Variants in LAMB4 observed in about 807,000 individuals in gnomAD.
LAMB4 encodes laminin subunit beta 4.
LAMB4 carries 196 observed loss-of-function variants against 199.2 expected under a neutral mutation model. The observed-to-expected ratio is 0.98, with a 90% CI of 0.88 to 1.11. The LOEUF is 1.11. Ranked by LOEUF, LAMB4 falls within the 50% of genes least tolerant of loss-of-function variation. The pLI is 0.00. For synonymous variants in LAMB4, 744 were observed against 770.6 expected (o/e 0.97, Z 0.57); for missense variants, 2,080 against 2,171.2 (o/e 0.96, Z 0.83).
intron 14 of LAMB4, among the ~76,000 whole-genome samples, chr7:108,091,011 C>G (rs1563083161): frequency 6.6e-6 from 1 of 152,082 alleles, no homozygotes; most frequent in Admixed American, 6.6e-5. Context: ...GAATTAGTCC[C>G]CCTTGTTTTC....
intron 1 of LAMB4, among the ~76,000 whole-genome samples, chr7:108,123,982 T>G (rs1038223906): frequency 2.0e-5 from 3 of 152,010 alleles, no homozygotes; most frequent in African/African-American, 7.2e-5. Context: ...CTTCAGTGGG[T>G]CTGGAGAAAA....
rs892473975 is a variant in LAMB4 at position 108,111,933 on chromosome 7, C to T, written c.206G>A (p.Cys69Tyr). ...TGGAAATCTAGAGTCACAGATGAAGCATTTTTGTTCCCCCTGGAAAACACC... is the reference window on the plus strand; with the variant it reads ...TGGAAATCTAGAGTCACAGATGAAGTATTTTTGTTCCCCCTGGAAAACACC... Reference protein sequence around the residue: ...ILSYLEGEQKCFICDSRFPYD... With the variant: ...ILSYLEGEQKYFICDSRFPYD... The change falls in exon 4 of 34, where the codon TGC (cysteine) becomes TAC (tyrosine). Residue 69 changes from cysteine to tyrosine, a missense_variant. By Grantham distance (194) the Cys-to-Tyr change is radical. Coordinates refer to ENST00000388781, the MANE Select transcript of LAMB4 (RefSeq NM_007356.3). 1.2e-6 allele frequency: 2 copies of T among 1,602,886 alleles called. No individual in the cohort carries two copies. The highest frequency in any genetic ancestry group is 1.7e-6 in the Non-Finnish European group (2 of 1,176,314).
intron 4 of LAMB4, among the ~76,000 whole-genome samples, chr7:108,110,264 A>G (rs1369846157): frequency 6.6e-6 from 1 of 152,150 alleles, no homozygotes; most frequent in Non-Finnish European, 1.5e-5. Flanking sequence ...CCTGAGCTCA[A>G]GTGATCTGCC....
rs530860451 is a variant in LAMB4, at chr7:108,057,932, T to C, written c.3283-4A>G. 101 of 1,605,546 alleles carry C rather than the reference T, an allele frequency of 6.3e-5. 1 individual carries two copies. The African/African-American group carries it at 1.3e-3, about 21-fold the overall frequency. On this transcript the variant is annotated splice_polypyrimidine_tract_variant and splice_region_variant and intron_variant, in intron 23 of 33. Transcript: ENST00000388781. ...TACACGGACACTGGCCTGTAAGCTG[T>C]GAGAACAGTCATGGGTGAGGAATTG... is the stretch of plus-strand genomic sequence containing the variant.
At chr7:108,041,774 C>A (rs1434901636) in intron 29 of LAMB4, among the ~76,000 whole-genome samples, 5 of 151,986 alleles carry the variant, frequency 3.3e-5, no homozygotes, top group Admixed American at 2.0e-4. Context: ...AGGAGAAGAT[C>A]AGGAGAAATA....
rs750946078 is a variant in LAMB4, at chr7:108,066,520, A to G, written c.2527T>C (p.Ser843Pro). The change falls in exon 20 of 34, where the codon TCT becomes CCT. Residue 843 changes from serine (S) to proline (P), a missense_variant. By Grantham distance (74) the Ser-to-Pro change is moderately conservative. Coordinates refer to ENST00000388781, the MANE Select transcript of LAMB4 (RefSeq NM_007356.3). The stretch of plus-strand genomic sequence containing the variant: ...AGGCAGCGATCACAGCGGCGGCCAG[A>G]CACCTCTCCATGGCAGGGGCACTGT... ...TGQCPCHGEV[S>P]GRRCDRCLAG... is the part of the protein sequence containing the mutation. 1.2e-6 allele frequency: 2 copies of G among 1,614,054 alleles called. No homozygotes were observed. Among genetic ancestry groups the G allele is most frequent in the African/African-American group, 1.3e-5 (1 of 75,054 alleles).
Position 108,069,923 on chromosome 7 carries a change from A to G in LAMB4, c.2125-38T>C, listed in dbSNP as rs1247056233. On this transcript the variant is annotated intron_variant, in intron 17 of 33. Transcript: ENST00000388781. ...TGCAAAAAGACTTAACATTCAAACT[A>G]TCTGCTGTGTACGATTCTACTTACA... 3.2e-6 allele frequency: 5 copies of G among 1,554,158 alleles called. No individual in the cohort carries two copies. In the Admixed American group the frequency reaches 8.6e-5, roughly 27 times the overall value.
At chr7:108,121,570 T>C (rs2038599370) in intron 2 of LAMB4, among the ~76,000 whole-genome samples, 1 of 151,986 alleles carries the variant, frequency 6.6e-6, no homozygotes, top group South Asian at 2.1e-4. Context: ...GCCAACATGG[T>C]GAAACCCTGT....
downstream of LAMB4, among the ~76,000 whole-genome samples, chr7:108,020,768 A>C (rs1296538144): frequency 6.6e-6 from 1 of 152,156 alleles, no homozygotes; most frequent in Non-Finnish European, 1.5e-5. Flanking sequence ...TGTACCTGTG[A>C]CTTTGGGCCC....
intron 28 of LAMB4, among the ~76,000 whole-genome samples, chr7:108,045,171 C>G (rs1213983881): frequency 6.6e-6 from 1 of 151,632 alleles, no homozygotes; most frequent in East Asian, 1.9e-4. Context: ...CTAGAACTTT[C>G]TTAGCTTTAA....
intron 2 of LAMB4, among the ~76,000 whole-genome samples, chr7:108,122,621 T>C (rs1230010127): frequency 2.0e-5 from 3 of 152,260 alleles, no homozygotes; most frequent in Non-Finnish European, 4.4e-5. Context: ...GTTTTCGATG[T>C]AGAAAAGTCA....
intron 3 of LAMB4, among the ~76,000 whole-genome samples, chr7:108,113,943 T>C (rs2038321719): frequency 6.6e-6 from 1 of 151,990 alleles, no homozygotes; most frequent in Non-Finnish European, 1.5e-5. Context: ...TATTTTGAGG[T>C]TTTTTCCAGC....
chr7:108,030,815 A>C lies in LAMB4; in HGVS notation c.4983T>G (p.Ser1661Arg). ...QAESAQHQAG[S>R]LEKEFVELKK... ...TGGTAGAACTAATGACCTTCTCAAG[A>C]CTCCCAGCCTGGTGTTGGGCAGATT... The change falls in exon 32 of 34, where the codon AGT becomes AGG. Residue 1661 changes from serine to arginine, a missense_variant. By Grantham distance (110) the Ser-to-Arg change is moderately radical (BLOSUM62 -1). Coordinates refer to ENST00000388781, the MANE Select transcript of LAMB4 (RefSeq NM_007356.3). 1 of 1,613,848 alleles carries C rather than the reference A, an allele frequency of 6.2e-7. No individual in the cohort carries two copies. The highest frequency in any genetic ancestry group is 8.5e-7 in the Non-Finnish European group (1 of 1,179,904).
At chr7:108,012,071 CAT>C in the LAMB4 span, among the ~76,000 whole-genome samples, 2 of 149,620 alleles carry the variant, frequency 1.3e-5, no homozygotes, top group Non-Finnish European at 3.0e-5. Context: ...AAAATATAAA[CAT>C]ATTTATATAA....
At chr7:108,036,883 C>T (rs1469583926) in intron 30 of LAMB4, among the ~76,000 whole-genome samples, 2 of 143,248 alleles carry the variant, frequency 1.4e-5, no homozygotes, top group African/African-American at 2.6e-5. Flanking sequence ...GCGGTTTTTG[C>T]CATTATTTTC....
chr7:108,094,334 T>G (rs2037518045), intron 12 of LAMB4, among the ~76,000 whole-genome samples: 1 of 152,232 alleles, frequency 6.6e-6, no homozygotes, highest in Admixed American at 6.5e-5. Flanking sequence ...GAGGTTGGCG[T>G]GGCTGACCTT....
chr7:108,034,092 CTCA>C, intron 31 of LAMB4, 113 bp downstream of exon 31: 2 of 982,782 alleles, frequency 2.0e-6, no homozygotes, highest in Non-Finnish European at 3.1e-6. Flanking sequence ...CTTATTTATC[CTCA>C]TAATAATCCC....
At chr7:108,113,010 T>G (rs1025668572) in intron 3 of LAMB4, among the ~76,000 whole-genome samples, 3 of 152,248 alleles carry the variant, frequency 2.0e-5, no homozygotes, top group Non-Finnish European at 4.4e-5. Context: ...TTTAAGCACT[T>G]AGAGTCAGAA....
At position 108,024,153 on chromosome 7, in the gene LAMB4, C is replaced by G. The variant is rs773146240; in HGVS notation, c.5172G>C (p.Leu1724Phe). 5.7e-6 allele frequency: 9 copies of G among 1,570,312 alleles called. No individual in the cohort carries two copies. Among genetic ancestry groups the G allele is most frequent in the Middle Eastern group, 1.7e-4 (1 of 5,910 alleles). The change falls in exon 34 of 34, where the codon TTG (leucine) becomes TTC (phenylalanine). Residue 1724 changes from leucine to phenylalanine, a missense_variant. Physicochemically the swap from Leu to Phe is conservative, Grantham distance 22 (BLOSUM62 0). Transcript: ENST00000388781. ...CAGCTTTTGCTTGTCTACTTAGATTCAAATCTTGGATTTTCCTTTCTAAAT... is the reference window on the plus strand; with the variant it reads ...CAGCTTTTGCTTGTCTACTTAGATTGAAATCTTGGATTTTCCTTTCTAAAT... ...ITDLERKIQD[L>F]NLSRQAKADQ...
Sources: allele counts gnomAD v4.1 joint callset (sites outside exome capture counted in the v4.1 genomes callset), GRCh38; gene constraint gnomAD v4.1.1; transcripts MANE v1.5; gene names NCBI Gene and HGNC (gene_info 2026-07-23, HGNC 2026-07-21).